Variants in EPHB1 observed in about 807,000 individuals in gnomAD.
The protein encoded by EPHB1 is EPH receptor B1.
In EPHB1, 30 loss-of-function variants were observed where a neutral mutation model predicts 94.4. The ratio of observed to expected loss-of-function variants is 0.32; its 90% confidence interval spans 0.24 to 0.43. The LOEUF is 0.43. EPHB1 is among the 20% of genes least tolerant of loss of function. EPHB1 has a pLI of 1.00. For synonymous variants in EPHB1, 522 were observed against 489.1 expected, an observed-to-expected ratio of 1.07 and a Z score of -0.89; for missense variants, 1,055 against 1,308.3, an observed-to-expected ratio of 0.81 and a Z score of 2.99.
At chr3:135,054,244 G>A (rs920060274) in intron 3 of EPHB1, among the ~76,000 whole-genome samples, 4 of 152,052 alleles carry the variant, frequency 2.6e-5, no homozygotes, top group African/African-American at 9.7e-5. Flanking sequence ...CCTCCTCCAA[G>A]GAAGAGGAAT....
intron 1 of EPHB1, among the ~76,000 whole-genome samples, chr3:134,864,360 C>T (rs1179238304): frequency 1.3e-5 from 2 of 152,172 alleles, no homozygotes; most frequent in Admixed American, 1.3e-4. Flanking sequence ...GTTTTCTTCC[C>T]TCAAGAGGCA....
chr3:135,042,294 C>A (rs1408357808), intron 3 of EPHB1, among the ~76,000 whole-genome samples: 2 of 152,086 alleles, frequency 1.3e-5, no homozygotes, highest in Non-Finnish European at 2.9e-5. Flanking sequence ...AGGGCAGAGC[C>A]CTTATAGCCT....
intron 1 of EPHB1, chr3:134,823,814 C>T (rs992434977): frequency 5.3e-5 from 8 of 152,318 alleles, no homozygotes; most frequent in Non-Finnish European, 7.3e-5. Context: ...TCTATGATAG[C>T]ATCAGTTTCC....
intron 2 of EPHB1, among the ~76,000 whole-genome samples, chr3:134,950,260 T>C (rs1348840906): frequency 6.6e-6 from 1 of 152,216 alleles, no homozygotes; most frequent in African/African-American, 2.4e-5. Flanking sequence ...TGTCTTTCCC[T>C]TAAGAAAGTT....
At chr3:135,255,029 G>A (rs1933311952) in intron 15 of EPHB1, among the ~76,000 whole-genome samples, 1 of 152,108 alleles carries the variant, frequency 6.6e-6, no homozygotes, top group Non-Finnish European at 1.5e-5. Flanking sequence ...ATTCTCTGAT[G>A]GTAGTTTGTA....
chr3:134,883,766 A>G (rs544168312), intron 1 of EPHB1, among the ~76,000 whole-genome samples: 26 of 152,314 alleles, frequency 1.7e-4, no homozygotes, highest in Admixed American at 7.8e-4. Context: ...TGTGGTTATC[A>G]TGGAGGCTCT....
In EPHB1 at chr3:135,192,836, C is replaced by T; in HGVS notation, c.2130+13C>T. 2 of 1,609,696 alleles carry T rather than the reference C, an allele frequency of 1.2e-6. No homozygotes were observed. The highest frequency in any genetic ancestry group is 1.7e-6 in the Non-Finnish European group (2 of 1,176,470). On this transcript the variant is annotated intron_variant, in intron 11 of 15. Transcript: ENST00000398015. ...TTCTTTCCTCAGGGTAAGAGCAACT[C>T]AGGGGTTTGATGATGCACTTGGATG...
At chr3:135,214,129 T>G (rs1943090103) in intron 12 of EPHB1, among the ~76,000 whole-genome samples, 1 of 152,196 alleles carries the variant, frequency 6.6e-6, no homozygotes, top group African/African-American at 2.4e-5. Flanking sequence ...TCTTCTCATG[T>G]CAGCTGATGT....
chr3:135,015,246 GT>G (rs59675045), intron 3 of EPHB1, among the ~76,000 whole-genome samples: 180 of 145,934 alleles, frequency 1.2e-3, no homozygotes, highest in Middle Eastern at 3.6e-3. Flanking sequence ...CCAGTGCCTG[GT>G]TTTTTTTTTT....
chr3:135,007,428 C>A (rs1372623647), intron 3 of EPHB1, among the ~76,000 whole-genome samples: 2 of 152,164 alleles, frequency 1.3e-5, no homozygotes, highest in Non-Finnish European at 2.9e-5. Flanking sequence ...AAAATAAAGC[C>A]CGAAATAATG....
intron 3 of EPHB1, among the ~76,000 whole-genome samples, chr3:134,964,767 C>T (rs1315171417): frequency 6.6e-6 from 1 of 152,124 alleles, no homozygotes; most frequent in African/African-American, 2.4e-5. Context: ...TCTTCTTTTC[C>T]TCCATTTATT....
chr3:134,926,744 G>A (rs1403607084), intron 2 of EPHB1, among the ~76,000 whole-genome samples: 2 of 152,204 alleles, frequency 1.3e-5, no homozygotes, highest in Non-Finnish European at 2.9e-5. Context: ...AGGAAATGGA[G>A]AGATCCTGAG....
chr3:135,150,638 T>G (rs1941164150), intron 5 of EPHB1, among the ~76,000 whole-genome samples: 1 of 152,198 alleles, frequency 6.6e-6, no homozygotes, highest in Non-Finnish European at 1.5e-5. Context: ...ACTCTCCTGG[T>G]TTTTCTTCTG....
At chr3:135,222,593 C>T (rs962063703) in intron 12 of EPHB1, among the ~76,000 whole-genome samples, 3 of 152,104 alleles carry the variant, frequency 2.0e-5, no homozygotes, top group Non-Finnish European at 2.9e-5. Flanking sequence ...TTTCCAGAGC[C>T]ACTGTGTTTT....
intron 4 of EPHB1, among the ~76,000 whole-genome samples, chr3:135,107,657 T>C (rs1559833000): frequency 6.6e-6 from 1 of 152,180 alleles, no homozygotes; most frequent in African/African-American, 2.4e-5. Context: ...TTCTGTTTGA[T>C]GAACAGAAAA....
intron 3 of EPHB1, among the ~76,000 whole-genome samples, chr3:134,996,083 C>T (rs1934982168): frequency 6.6e-6 from 1 of 152,166 alleles, no homozygotes; most frequent in Non-Finnish European, 1.5e-5. Flanking sequence ...CAACTTATTT[C>T]ACTAAACTTA....
At chr3:134,981,664 C>T (rs986270413) in intron 3 of EPHB1, among the ~76,000 whole-genome samples, 4 of 152,194 alleles carry the variant, frequency 2.6e-5, no homozygotes, top group African/African-American at 7.2e-5. Context: ...TCCATGCCTG[C>T]GTGCATCTGT....
chr3:134,906,850 G>C (rs1052748302), intron 1 of EPHB1, among the ~76,000 whole-genome samples: 5 of 152,196 alleles, frequency 3.3e-5, no homozygotes, highest in African/African-American at 1.2e-4. Context: ...TCACCCCAGA[G>C]GTCTAGGGAG....
intron 4 of EPHB1, among the ~76,000 whole-genome samples, chr3:135,127,771 A>T (rs932215215): frequency 6.6e-6 from 1 of 152,156 alleles, no homozygotes; most frequent in Non-Finnish European, 1.5e-5. Flanking sequence ...AAGAAGCAGG[A>T]GATTCTATCT....
Sources: allele counts gnomAD v4.1 joint callset (sites outside exome capture counted in the v4.1 genomes callset), GRCh38; gene constraint gnomAD v4.1.1; transcripts MANE v1.5; gene names NCBI Gene and HGNC (gene_info 2026-07-23, HGNC 2026-07-21).